SERPINB12: variants seen among roughly 807,000 people sequenced by gnomAD.
The protein encoded by SERPINB12 is serpin B12.
Under a neutral mutation model 41.1 loss-of-function variants are expected in SERPINB12, and 57 were observed. The observed-to-expected ratio is 1.39, with a 90% confidence interval of 1.12 to 1.73. The LOEUF (loss-of-function observed/expected upper bound fraction) is 1.73, where lower values mean the gene tolerates loss of function less well. Ranked by LOEUF, SERPINB12 falls within the 40% of genes most tolerant of loss-of-function variation. The probability of loss-of-function intolerance (pLI) is 0.00; values close to 1 mark genes in which losing one functional copy is unlikely to be tolerated. For missense variants in SERPINB12, 536 were observed against 501.9 expected (o/e 1.07, Z -0.65); for synonymous variants, 180 against 181.3 (o/e 0.99, Z 0.06).
At position 63,567,921 on chromosome 18, in the gene SERPINB12, G is replaced by C. The variant is rs1207391412; in HGVS notation, c.*910G>C. Among the ~76,000 whole-genome samples, 1 of 143,784 alleles carries C rather than the reference G, an allele frequency of 7.0e-6. No homozygotes were observed. The highest frequency in any genetic ancestry group is 1.5e-5 in the Non-Finnish European group (1 of 64,598). 94.3% of individuals were successfully genotyped at this position (143,784 alleles called of 152,430 possible). Reference sequence around the variant, plus strand: ...CTCTCTGCCTTCTGGCCACGTGGAGGCTGGCCTCTGTGTGCCCCTCTCTCT... The same window carrying C: ...CTCTCTGCCTTCTGGCCACGTGGAGCCTGGCCTCTGTGTGCCCCTCTCTCT... On this transcript the variant is annotated 3_prime_UTR_variant, in exon 8 of 8. Transcript: ENST00000382768.
chr18:63,532,279 A>C, the SERPINB12 span, among the ~76,000 whole-genome samples: 1 of 152,334 alleles, frequency 6.6e-6, no homozygotes, highest in South Asian at 2.1e-4. Context: ...ATCCTCTTTC[A>C]CATGGTTGAA....
intron 1 of SERPINB12, among the ~76,000 whole-genome samples, chr18:63,547,431 A>G (rs1042257698): frequency 4.0e-5 from 6 of 151,822 alleles, no homozygotes; most frequent in Admixed American, 6.6e-5. Flanking sequence ...TTGTTTTTAG[A>G]TATTGGTTAT....
At position 63,566,659 on chromosome 18, in the gene SERPINB12, A is replaced by C. The variant is rs35352345; in HGVS notation, c.926A>C (p.Asn309Thr). 4,821 of 1,613,840 alleles carry C rather than the reference A, an allele frequency of 3.0e-3. 124 individuals carry two copies. In the African/African-American group the frequency reaches 0.054, roughly 18 times the overall value. The stretch of plus-strand genomic sequence containing the variant: ...ATGGTGGCCTGGAGCAGCTCAGAAA[A>C]CATGTCAGAAGAATCGGTGGTCCTG... The part of the protein sequence containing the change: ...EKMVAWSSSE[N>T]MSEESVVLSF... The change falls in exon 8 of 8, where the codon AAC becomes ACC. Residue 309 changes from asparagine (N) to threonine (T), a missense_variant. By Grantham distance (65) the Asn-to-Thr change is moderately conservative (BLOSUM62 0). Transcript: ENST00000382768.
In SERPINB12 at chr18:63,567,111, C is replaced by G. The variant is rs1599431168; in HGVS notation, c.*100C>G. 2.4e-5 allele frequency: 27 copies of G among 1,111,044 alleles called. No homozygotes were observed. The East Asian group carries it at 6.0e-4, about 25-fold the overall frequency. 68.8% of individuals were successfully genotyped at this position (1,111,044 alleles called of 1,614,324 possible). A position where few individuals can be genotyped will look rare whatever the true frequency, so the allele number is the denominator to read the frequency against. On this transcript the variant is annotated 3_prime_UTR_variant, in exon 8 of 8. Transcript: ENST00000382768. ...TTTGAGTTTTTGGTAATATCTAAAG[C>G]ATCTCCTTCATCCTCCAGCCATCGG...
the SERPINB12 span, among the ~76,000 whole-genome samples, chr18:63,535,431 C>T: frequency 3.3e-5 from 5 of 151,988 alleles, no homozygotes; most frequent in Middle Eastern, 3.2e-3. Flanking sequence ...ATGCGTAACT[C>T]GAATCTAATC....
chr18:63,541,996 G>A (rs1910281984), upstream of SERPINB12, among the ~76,000 whole-genome samples: 1 of 152,158 alleles, frequency 6.6e-6, no homozygotes, highest in Non-Finnish European at 1.5e-5. Context: ...ATTTGATGGT[G>A]TGCATTGGGA....
chr18:63,539,345 C>A (rs1030811366), upstream of SERPINB12, among the ~76,000 whole-genome samples: 1 of 152,102 alleles, frequency 6.6e-6, no homozygotes, highest in Non-Finnish European at 1.5e-5. Context: ...TTCCCCATGT[C>A]CCCTGAAAAA....
rs779563504 is a variant in SERPINB12, at chr18:63,566,977, C to A, written c.1244C>A (p.Thr415Asn). The A allele has an allele frequency of 2.5e-6, 4 of 1,607,942 alleles. No homozygotes were observed. In the Admixed American group the frequency reaches 5.1e-5, roughly 20 times the overall value. The change falls in exon 8 of 8, where the codon ACC (threonine) becomes AAC (asparagine). Residue 415 changes from threonine (T) to asparagine (N), a missense_variant. Physicochemically the swap from Thr to Asn is moderately conservative, Grantham distance 65. Coordinates refer to ENST00000382768, the MANE Select transcript of SERPINB12 (RefSeq NM_001307928.2). Reference sequence around the variant, plus strand: ...TTCATTAGACACAACAAAACCCAAACCATTCTCTTTTATGGCAGGGTCTGC... The same window carrying A: ...TTCATTAGACACAACAAAACCCAAAACATTCTCTTTTATGGCAGGGTCTGC... The part of the protein sequence containing the change: ...LFFIRHNKTQ[T>N]ILFYGRVCSP
At chr18:63,522,019 G>T in the SERPINB12 span, among the ~76,000 whole-genome samples, 4 of 152,176 alleles carry the variant, frequency 2.6e-5, no homozygotes, top group Admixed American at 2.6e-4. Context: ...TAGCTATAGA[G>T]AAACATAGTT....
At chr18:63,523,293 C>A in the SERPINB12 span, among the ~76,000 whole-genome samples, 1 of 152,170 alleles carries the variant, frequency 6.6e-6, no homozygotes, top group Non-Finnish European at 1.5e-5. Context: ...AAATCCTTAA[C>A]CCTTTCGAAG....
chr18:63,532,447 G>T, the SERPINB12 span, among the ~76,000 whole-genome samples: 1 of 152,290 alleles, frequency 6.6e-6, no homozygotes, highest in East Asian at 1.9e-4. Context: ...GTCAGTTTCT[G>T]GTTGGGGCCT....
intron 1 of SERPINB12, among the ~76,000 whole-genome samples, chr18:63,546,739 T>A (rs1397409216): frequency 2.0e-5 from 3 of 152,244 alleles, no homozygotes; most frequent in Non-Finnish European, 4.4e-5. Context: ...AAATATTCAA[T>A]GTAGTTAAAA....
At chr18:63,562,064 G>A in intron 5 of SERPINB12, among the ~76,000 whole-genome samples, 1 of 152,088 alleles carries the variant, frequency 6.6e-6, no homozygotes, top group Non-Finnish European at 1.5e-5. Flanking sequence ...GCATCAAACA[G>A]TTAAACTGCT....
At chr18:63,519,540 G>A in the SERPINB12 span, among the ~76,000 whole-genome samples, 2 of 152,134 alleles carry the variant, frequency 1.3e-5, no homozygotes, top group African/African-American at 4.8e-5. Flanking sequence ...GTCCCTCTCA[G>A]TCTGATATAC....
At chr18:63,523,160 T>C in the SERPINB12 span, among the ~76,000 whole-genome samples, 1 of 152,124 alleles carries the variant, frequency 6.6e-6, no homozygotes, top group Admixed American at 6.6e-5. Context: ...TGTCAAAAGG[T>C]TCAAAACACT....
At position 63,542,576 on chromosome 18, in the gene SERPINB12, G is replaced by A. The variant is rs183207126; in HGVS notation, c.-19+84G>A. On this transcript the variant is annotated intron_variant, in intron 1 of 7. Coordinates refer to ENST00000382768, the MANE Select transcript of SERPINB12 (RefSeq NM_001307928.2). ...TCCTGGTAGTGAAGCTATATGTGTT[G>A]CAGGTCTTCATTCTTGGGATCAGAG... 1.1e-3 allele frequency among the ~76,000 whole-genome samples: 165 copies of A among 152,302 alleles called. 2 individuals carry two copies. The highest frequency in any genetic ancestry group is 0.01 in the Admixed American group (155 of 15,294).
chr18:63,559,115 G>A (rs1266628290), intron 3 of SERPINB12, among the ~76,000 whole-genome samples: 1 of 125,612 alleles, frequency 8.0e-6, no homozygotes, highest in Non-Finnish European at 1.7e-5. Flanking sequence ...CTTTCTTTTT[G>A]TTTTTTCTGA....
At chr18:63,530,248 A>T in the SERPINB12 span, among the ~76,000 whole-genome samples, 1 of 152,164 alleles carries the variant, frequency 6.6e-6, no homozygotes, top group Non-Finnish European at 1.5e-5. Context: ...TAGTGTTTTG[A>T]GGATAGGGTG....
intron 5 of SERPINB12, among the ~76,000 whole-genome samples, chr18:63,562,017 T>TA (rs1910926249): frequency 6.6e-6 from 1 of 151,746 alleles, no homozygotes; most frequent in African/African-American, 2.4e-5. Flanking sequence ...AAGCTGAAAT[T>TA]TAAAAAAAAA....
Sources: allele counts gnomAD v4.1 joint callset (sites outside exome capture counted in the v4.1 genomes callset), GRCh38; gene constraint gnomAD v4.1.1; transcripts MANE v1.5; gene names NCBI Gene and HGNC (gene_info 2026-07-23, HGNC 2026-07-21).